Variants in VEZT observed in about 807,000 individuals in gnomAD.
The protein encoded by VEZT is vezatin, adherens junctions transmembrane protein, also known as vezatin.
A neutral mutation model predicts 79.9 loss-of-function variants in VEZT; 39 were observed. The ratio of observed to expected loss-of-function variants is 0.49; its 90% CI spans 0.38 to 0.64. The LOEUF (loss-of-function observed/expected upper bound fraction) is 0.64, where lower values mean the gene tolerates loss of function less well. Ranked by LOEUF, VEZT falls within the 30% of genes least tolerant of loss-of-function variation. VEZT has a pLI of 0.00. For missense variants in VEZT, 837 were observed against 893.1 expected (o/e 0.94, Z 0.80); for synonymous variants, 325 against 327.6 (o/e 0.99, Z 0.09).
chr12:95,246,461 G>A (rs1055528341), intron 1 of VEZT, among the ~76,000 whole-genome samples: 2 of 152,168 alleles, frequency 1.3e-5, no homozygotes, highest in African/African-American at 2.4e-5. Flanking sequence ...AGGGAGCAGG[G>A]CTGGCAAGAA....
At chr12:95,252,122 A>G (rs960644564) in intron 2 of VEZT, 51 bp downstream of exon 2, 1 of 1,565,996 alleles carries the variant, frequency 6.4e-7, no homozygotes. Context: ...ACTTTACCTT[A>G]CTGGCTATTC....
Position 95,270,065 on chromosome 12 carries a change from G to T in VEZT, c.725G>T (p.Cys242Phe), listed in dbSNP as rs773288214. ...TTGCTTGACAGGGTCAGTGCTGCTT[G>T]CCCATTTAATAAAGCTGGACAGCAT... ...SRGFTLVSAA[C>F]PFNKAGQHPS... The change falls in exon 6 of 12, where the codon TGC (cysteine) becomes TTC (phenylalanine). Residue 242 changes from cysteine (C) to phenylalanine (F), a missense_variant. Cys to Phe is a radical substitution (Grantham distance 205, BLOSUM62 -2). Transcript: ENST00000436874. The T allele has an allele frequency of 3.1e-6, 5 of 1,611,074 alleles. No homozygotes were observed. The highest frequency in any genetic ancestry group is 1.1e-5 in the South Asian group (1 of 90,250).
chr12:95,295,782 T>C (rs2074011129), intron 10 of VEZT, among the ~76,000 whole-genome samples: 1 of 152,226 alleles, frequency 6.6e-6, no homozygotes, highest in Admixed American at 6.5e-5. Flanking sequence ...GTATGGTATG[T>C]TACCAGAGTA....
intron 1 of VEZT, among the ~76,000 whole-genome samples, chr12:95,251,339 T>C (rs1294504478): frequency 6.6e-6 from 1 of 152,206 alleles, no homozygotes; most frequent in Non-Finnish European, 1.5e-5. Flanking sequence ...TGTGTTCTAA[T>C]GCTTTTGTTA....
chr12:95,259,482 C>A (rs540012565), intron 3 of VEZT, among the ~76,000 whole-genome samples: 1 of 152,250 alleles, frequency 6.6e-6, no homozygotes, highest in Non-Finnish European at 1.5e-5. Context: ...TCATAACAAC[C>A]CTGTGAAGTA....
intron 1 of VEZT, among the ~76,000 whole-genome samples, chr12:95,225,287 C>T (rs2058254162): frequency 6.6e-6 from 1 of 152,068 alleles, no homozygotes; most frequent in Non-Finnish European, 1.5e-5. Context: ...AGTTACAATC[C>T]AGGAATTAGA....
chr12:95,253,662 T>A (rs1426647817), intron 2 of VEZT, among the ~76,000 whole-genome samples: 1 of 152,198 alleles, frequency 6.6e-6, no homozygotes, highest in Non-Finnish European at 1.5e-5. Context: ...AAACTTGGGT[T>A]TTATAGGTAT....
At chr12:95,231,011 G>A (rs961810915) in intron 1 of VEZT, among the ~76,000 whole-genome samples, 2 of 152,080 alleles carry the variant, frequency 1.3e-5, no homozygotes, top group Admixed American at 6.6e-5. Context: ...TTTTTATTTA[G>A]ATTTTGGACG....
chr12:95,281,339 A>G (rs1159693913), intron 7 of VEZT, among the ~76,000 whole-genome samples: 1 of 152,174 alleles, frequency 6.6e-6, no homozygotes, highest in Non-Finnish European at 1.5e-5. Flanking sequence ...TTAGCTGAGT[A>G]TGGTGGTACA....
chr12:95,292,902 G>C (rs2073296338), intron 9 of VEZT, among the ~76,000 whole-genome samples: 1 of 145,962 alleles, frequency 6.9e-6, no homozygotes, highest in Non-Finnish European at 1.5e-5. Context: ...CCAGGCTGGA[G>C]TGTAATGATG....
At chr12:95,229,391 A>G (rs948220532) in intron 1 of VEZT, among the ~76,000 whole-genome samples, 1 of 152,218 alleles carries the variant, frequency 6.6e-6, no homozygotes, top group Admixed American at 6.5e-5. Flanking sequence ...AGCATTGTGG[A>G]AAGAGGACCA....
chr12:95,293,929 C>A, intron 9 of VEZT: 1 of 182,698 alleles, frequency 5.5e-6, no homozygotes, highest in Non-Finnish European at 1.1e-5. Flanking sequence ...AGCTCTGTTG[C>A]CCAGGCTGGA....
intron 3 of VEZT, among the ~76,000 whole-genome samples, chr12:95,261,248 G>T (rs1308004369): frequency 6.6e-6 from 1 of 151,994 alleles, no homozygotes. Context: ...GTGTGGTGTG[G>T]GGATGATTAA....
At chr12:95,234,306 A>C (rs1391684122) in intron 1 of VEZT, among the ~76,000 whole-genome samples, 1 of 84,426 alleles carries the variant, frequency 1.2e-5, no homozygotes, top group South Asian at 3.8e-4. Context: ...TTTTTTTTTG[A>C]GACAGAGTTT....
chr12:95,272,979 C>T (rs940422789), intron 6 of VEZT, among the ~76,000 whole-genome samples: 1 of 152,158 alleles, frequency 6.6e-6, no homozygotes, highest in African/African-American at 2.4e-5. Context: ...AACACCTGGG[C>T]TCAAGGGATC....
At chr12:95,282,672 G>A in intron 8 of VEZT, 28 bp downstream of exon 8, 2 of 1,536,068 alleles carry the variant, frequency 1.3e-6, no homozygotes, top group Non-Finnish European at 1.8e-6. Context: ...ACCAAGAAAG[G>A]TCTCGGTAAT....
At chr12:95,253,590 A>AT (rs1395885114) in intron 2 of VEZT, among the ~76,000 whole-genome samples, 1 of 152,188 alleles carries the variant, frequency 6.6e-6, no homozygotes, top group Non-Finnish European at 1.5e-5. Context: ...TGGCCAGGGG[A>AT]TAGTCTTAGA....
At chr12:95,271,828 A>G (rs1427440514) in intron 6 of VEZT, among the ~76,000 whole-genome samples, 1 of 152,174 alleles carries the variant, frequency 6.6e-6, no homozygotes, top group Non-Finnish European at 1.5e-5. Flanking sequence ...CCTGGCAGTG[A>G]ACAAGATAGA....
intron 1 of VEZT, among the ~76,000 whole-genome samples, chr12:95,220,395 G>A (rs903344272): frequency 6.6e-6 from 1 of 152,180 alleles, no homozygotes; most frequent in Admixed American, 6.5e-5. Flanking sequence ...GGTCAAGGCT[G>A]CAGTGAGCCA....
Sources: allele counts gnomAD v4.1 joint callset (sites outside exome capture counted in the v4.1 genomes callset), GRCh38; gene constraint gnomAD v4.1.1; transcripts MANE v1.5; gene names NCBI Gene and HGNC (gene_info 2026-07-23, HGNC 2026-07-21).